Variants in VIT observed in about 807,000 individuals in gnomAD.
VIT encodes vitrin.
A neutral mutation model predicts 78.0 loss-of-function variants in VIT; 99 were observed. The observed-to-expected ratio is 1.27, with a 90% confidence interval of 1.08 to 1.50. The LOEUF (loss-of-function observed/expected upper bound fraction) is 1.50. VIT is among the 40% of genes most tolerant of loss of function. The probability of loss-of-function intolerance (pLI) is 0.00; values close to 1 mark genes in which losing one functional copy is unlikely to be tolerated. For missense variants in VIT, 1,126 were observed against 875.3 expected (o/e 1.29, Z -3.61); for synonymous variants, 374 against 334.3 (o/e 1.12, Z -1.29).
intron 12 of VIT, among the ~76,000 whole-genome samples, chr2:36,792,015 A>C (rs568269787): frequency 6.6e-6 from 1 of 152,042 alleles, no homozygotes; most frequent in African/African-American, 2.4e-5. Flanking sequence ...TACAGCACCC[A>C]CCCTCAGACT....
intron 9 of VIT, 51 bp downstream of exon 9, chr2:36,775,118 G>A (rs376577845): frequency 1.9e-6 from 3 of 1,604,560 alleles, no homozygotes; most frequent in South Asian, 1.1e-5. Flanking sequence ...TTGCTCTGTG[G>A]CACTTTGCAA....
At chr2:36,795,360 A>AT (rs1196854379) in intron 12 of VIT, among the ~76,000 whole-genome samples, 16 of 82,580 alleles carry the variant, frequency 1.9e-4, no homozygotes, top group Admixed American at 5.2e-4. Context: ...ATTTTATTTT[A>AT]TTTTATTTAT....
At chr2:36,709,497 A>G (rs969280793) in intron 1 of VIT, among the ~76,000 whole-genome samples, 6 of 152,254 alleles carry the variant, frequency 3.9e-5, no homozygotes, top group Non-Finnish European at 2.9e-5. Context: ...ACTCAAAACA[A>G]CTTGATGCCA....
At chr2:36,767,061 TG>T in intron 6 of VIT, 32 bp from the exon 7 acceptor site, 1 of 1,535,036 alleles carries the variant, frequency 6.5e-7, no homozygotes, top group Non-Finnish European at 8.8e-7. Context: ...CAGGTTATTT[TG>T]TGGGCCTTGG....
At chr2:36,796,110 T>TAA (rs149375506) in intron 12 of VIT, among the ~76,000 whole-genome samples, 1 of 141,250 alleles carries the variant, frequency 7.1e-6, no homozygotes. Flanking sequence ...CATGACTGAT[T>TAA]AAAAAAAAAA....
chr2:36,776,343 G>A (rs1366685098), intron 9 of VIT, among the ~76,000 whole-genome samples: 1 of 152,138 alleles, frequency 6.6e-6, no homozygotes, highest in Non-Finnish European at 1.5e-5. Context: ...TATCACAACT[G>A]ACTGCAGGAG....
chr2:36,777,107 TAATAA>T (rs1255104136), intron 9 of VIT, among the ~76,000 whole-genome samples: 1 of 140,658 alleles, frequency 7.1e-6, no homozygotes, highest in Non-Finnish European at 1.6e-5. Context: ...TAAAATTAAA[TAATAA>T]AATAAAATAA....
chr2:36,777,041 A>G (rs1670110950), intron 9 of VIT, among the ~76,000 whole-genome samples: 1 of 146,116 alleles, frequency 6.8e-6, no homozygotes, highest in Non-Finnish European at 1.5e-5. Context: ...GTGAGCCGAG[A>G]TCACGCCACT....
chr2:36,790,008 A>G (rs1323165606), intron 12 of VIT, among the ~76,000 whole-genome samples: 1 of 152,196 alleles, frequency 6.6e-6, no homozygotes, highest in Non-Finnish European at 1.5e-5. Flanking sequence ...TTTCCTTAGG[A>G]GAGCTGAGTC....
chr2:36,763,806 C>G (rs190054856), intron 6 of VIT, among the ~76,000 whole-genome samples: 305 of 152,126 alleles, frequency 2.0e-3, no homozygotes, highest in Middle Eastern at 0.014. Flanking sequence ...TCAGGCTGGT[C>G]TCAAACTCCT....
chr2:36,774,657 A>G (rs114173290), intron 8 of VIT: 12 of 985,410 alleles, frequency 1.2e-5, no homozygotes, highest in South Asian at 9.4e-5. Context: ...AGCAGCTTCT[A>G]TGAGCTTCAC....
chr2:36,744,201 T>C (rs11676185), intron 4 of VIT, among the ~76,000 whole-genome samples: 74,123 of 152,134 alleles, frequency 0.49, 21,667 homozygotes, highest in Non-Finnish European at 0.65. Flanking sequence ...CTTTATCTAA[T>C]CCATCACTGA....
At chr2:36,720,654 G>A (rs531866557) in intron 2 of VIT, among the ~76,000 whole-genome samples, 2 of 152,314 alleles carry the variant, frequency 1.3e-5, no homozygotes, top group Non-Finnish European at 2.9e-5. Flanking sequence ...GAAGCAGAAC[G>A]TAGAACAATG....
intron 13 of VIT, 71 bp from the exon 14 acceptor site, chr2:36,805,367 G>T: frequency 1.4e-6 from 2 of 1,438,260 alleles, no homozygotes; most frequent in African/African-American, 1.4e-5. Context: ...ACCTCTTTGT[G>T]CTGCTGTGAT....
intron 12 of VIT, among the ~76,000 whole-genome samples, chr2:36,799,986 T>A (rs1666197837): frequency 6.8e-6 from 1 of 147,718 alleles, no homozygotes; most frequent in Non-Finnish European, 1.5e-5. Context: ...AGGTGGAGAC[T>A]GCAGTGAGCC....
chr2:36,810,882 C>A (rs1667113651), intron 15 of VIT, among the ~76,000 whole-genome samples: 1 of 152,212 alleles, frequency 6.6e-6, no homozygotes, highest in Non-Finnish European at 1.5e-5. Context: ...CATCCACCTA[C>A]CTCAGCTTCC....
intron 7 of VIT, among the ~76,000 whole-genome samples, chr2:36,769,876 T>C (rs1255996060): frequency 1.3e-5 from 2 of 152,192 alleles, no homozygotes; most frequent in African/African-American, 4.8e-5. Flanking sequence ...AGGCAGCCAA[T>C]TGACTTGCAT....
chr2:36,793,463 C>G (rs1665647494), intron 12 of VIT, among the ~76,000 whole-genome samples: 1 of 152,174 alleles, frequency 6.6e-6, no homozygotes, highest in Admixed American at 6.5e-5. Flanking sequence ...CTGGGCTGGT[C>G]ATAGCTGCTC....
intron 12 of VIT, among the ~76,000 whole-genome samples, chr2:36,796,353 A>C (rs1665901359): frequency 6.6e-6 from 1 of 152,246 alleles, no homozygotes; most frequent in South Asian, 2.1e-4. Context: ...TGTTGTGACC[A>C]GAGGCTCACA....
Sources: allele counts gnomAD v4.1 joint callset (sites outside exome capture counted in the v4.1 genomes callset), GRCh38; gene constraint gnomAD v4.1.1; transcripts MANE v1.5; gene names NCBI Gene and HGNC (gene_info 2026-07-23, HGNC 2026-07-21).